The following ANO3 variants were observed in gnomAD, a reference collection of about 807,000 sequenced individuals.
The protein encoded by ANO3 is anoctamin 3.
A neutral mutation model predicts 144.8 loss-of-function variants in ANO3; 99 were observed. The ratio of observed to expected loss-of-function variants is 0.68; its 90% CI spans 0.58 to 0.81. The LOEUF is 0.81. Ranked by LOEUF, ANO3 falls within the 30% of genes least tolerant of loss-of-function variation. ANO3 has a pLI of 0.00. For synonymous variants in ANO3, 414 were observed against 392.6 expected (o/e 1.05, Z -0.64); for missense variants, 905 against 1,202.2 (o/e 0.75, Z 3.66).
At chr11:26,502,028 T>C (rs1490728025) in intron 4 of ANO3, among the ~76,000 whole-genome samples, 1 of 152,226 alleles carries the variant, frequency 6.6e-6, no homozygotes, top group Non-Finnish European at 1.5e-5. Flanking sequence ...TAGTGAATTA[T>C]ATTTCAAAAT....
At chr11:26,227,731 T>G (rs923987211) in intron 1 of ANO3, among the ~76,000 whole-genome samples, 2 of 152,224 alleles carry the variant, frequency 1.3e-5, no homozygotes, top group Non-Finnish European at 2.9e-5. Context: ...TCACGTCGAA[T>G]GCTTTCTCTG....
At chr11:26,450,317 C>A (rs977508770) in intron 3 of ANO3, among the ~76,000 whole-genome samples, 6 of 152,152 alleles carry the variant, frequency 3.9e-5, no homozygotes, top group Admixed American at 3.3e-4. Flanking sequence ...AGCAGTGTAT[C>A]TGCAGGATTT....
chr11:26,390,192 T>G (rs1029836589), intron 1 of ANO3, among the ~76,000 whole-genome samples: 3 of 152,120 alleles, frequency 2.0e-5, no homozygotes, highest in African/African-American at 7.2e-5. Context: ...GAAATGCCTT[T>G]TAAGCTCCTT....
At chr11:26,577,828 T>A (rs1851029804) in intron 14 of ANO3, among the ~76,000 whole-genome samples, 1 of 152,108 alleles carries the variant, frequency 6.6e-6, no homozygotes, top group South Asian at 2.1e-4. Flanking sequence ...CAATTGAGTA[T>A]AATGATTGCC....
At chr11:26,425,449 T>A (rs11029554) in intron 1 of ANO3, among the ~76,000 whole-genome samples, 17,371 of 151,994 alleles carry the variant, frequency 0.11, 1,845 homozygotes, top group African/African-American at 0.29. Flanking sequence ...AGTTTACTCA[T>A]AAAGTGACCA....
chr11:26,449,495 A>T (rs200873469), intron 3 of ANO3, among the ~76,000 whole-genome samples: 87,047 of 126,698 alleles, frequency 0.69, 26,403 homozygotes, highest in East Asian at 0.87. Context: ...TCTCACACAC[A>T]CACACACACA....
At chr11:26,552,427 T>C (rs1046793325) in intron 12 of ANO3, among the ~76,000 whole-genome samples, 1 of 152,064 alleles carries the variant, frequency 6.6e-6, no homozygotes, top group Non-Finnish European at 1.5e-5. Context: ...GCCTTTAAAT[T>C]CCTTTCAACA....
chr11:26,508,290 T>G, intron 5 of ANO3, 28 bp downstream of exon 5: 2 of 1,558,976 alleles, frequency 1.3e-6, no homozygotes, highest in Non-Finnish European at 8.6e-7. Flanking sequence ...ATTAGTTATG[T>G]GATAAAATGT....
chr11:26,405,671 C>A (rs1288042451), intron 1 of ANO3, among the ~76,000 whole-genome samples: 1 of 151,888 alleles, frequency 6.6e-6, no homozygotes, highest in Non-Finnish European at 1.5e-5. Flanking sequence ...ATTACATATG[C>A]AACTTTGAGA....
At chr11:26,387,584 A>T (rs1856769221) in intron 1 of ANO3, among the ~76,000 whole-genome samples, 1 of 151,998 alleles carries the variant, frequency 6.6e-6, no homozygotes, top group African/African-American at 2.4e-5. Flanking sequence ...TAAAACTTTT[A>T]TTCTTAGTTG....
chr11:26,204,140 C>G (rs370547971), intron 1 of ANO3, among the ~76,000 whole-genome samples: 8 of 152,164 alleles, frequency 5.3e-5, no homozygotes, highest in East Asian at 1.9e-4. Flanking sequence ...CTCTACACCC[C>G]CTCTGGGGAG....
At chr11:26,306,423 G>T (rs949568704), upstream of ANO3, among the ~76,000 whole-genome samples, 1 of 152,138 alleles carries the variant, frequency 6.6e-6, no homozygotes, top group African/African-American at 2.4e-5. Flanking sequence ...TCAAGGACAG[G>T]TATGGTGGTT....
At chr11:26,313,256 TG>T (rs532904257) in intron 1 of ANO3, among the ~76,000 whole-genome samples, 19 of 152,244 alleles carry the variant, frequency 1.2e-4, no homozygotes, top group Non-Finnish European at 2.4e-4. Context: ...GAATCTTTTT[TG>T]TAACAGACAC....
intron 1 of ANO3, among the ~76,000 whole-genome samples, chr11:26,226,164 C>G (rs181391129): frequency 6.6e-6 from 1 of 151,848 alleles, no homozygotes; most frequent in Admixed American, 6.6e-5. Flanking sequence ...ATTTATTGAC[C>G]AGATTTCTTT....
intron 1 of ANO3, among the ~76,000 whole-genome samples, chr11:26,404,599 A>C (rs912529420): frequency 1.3e-5 from 2 of 151,844 alleles, no homozygotes; most frequent in Non-Finnish European, 2.9e-5. Context: ...AGCAGTAATC[A>C]CAGGAGCAGT....
At chr11:26,623,139 G>C (rs541274289) in intron 17 of ANO3, among the ~76,000 whole-genome samples, 6 of 152,322 alleles carry the variant, frequency 3.9e-5, no homozygotes, top group Admixed American at 3.3e-4. Context: ...GCACTAGGAA[G>C]AGAATGAGAG....
At chr11:26,258,551 A>C (rs1356497048) in intron 1 of ANO3, among the ~76,000 whole-genome samples, 1 of 152,158 alleles carries the variant, frequency 6.6e-6, no homozygotes, top group Non-Finnish European at 1.5e-5. Context: ...CTCATAGTTG[A>C]ATTAATTACT....
intron 1 of ANO3, among the ~76,000 whole-genome samples, chr11:26,302,555 T>C (rs1418406554): frequency 1.3e-5 from 2 of 152,222 alleles, no homozygotes; most frequent in Middle Eastern, 3.4e-3. Flanking sequence ...TCCGATTATT[T>C]CAGTGAATAA....
intron 1 of ANO3, among the ~76,000 whole-genome samples, chr11:26,253,455 T>C (rs1214038742): frequency 1.3e-5 from 2 of 151,898 alleles, no homozygotes; most frequent in Non-Finnish European, 2.9e-5. Context: ...TAATGGTTAC[T>C]AGGCTTAACA....
Sources: gnomAD v4.1 joint callset for allele counts (sites outside exome capture counted in the v4.1 genomes callset) on GRCh38, gnomAD v4.1.1 for gene constraint, MANE v1.5 for transcripts, NCBI Gene and HGNC (gene_info 2026-07-23, HGNC 2026-07-21) for gene names.